The following SIDT1 variants were observed in gnomAD, a reference collection of about 807,000 sequenced individuals.
SIDT1 encodes the protein SID1 transmembrane family member 1, also known as SID1 transmembrane family, member 1.
A neutral mutation model predicts 107.5 loss-of-function variants in SIDT1; 101 were observed. That is an observed-to-expected ratio of 0.94 (90% confidence interval 0.80 to 1.11). The LOEUF (loss-of-function observed/expected upper bound fraction) is 1.11. Among genes scored for constraint, SIDT1 ranks in the 50% least tolerant of loss-of-function variants. The pLI is 0.00. For synonymous variants in SIDT1, 395 were observed against 398.2 expected (o/e 0.99, Z 0.10); for missense variants, 1,076 against 1,058.2 (o/e 1.02, Z -0.23).
At position 113,532,736 on chromosome 3, in the gene SIDT1, G is replaced by A; in HGVS notation, c.-286G>A. On this transcript the variant is annotated 5_prime_UTR_variant, in exon 1 of 25. Transcript: ENST00000264852. ...GGGGGGATTCTCGGCGATGAGAAACGGGGGACTTAGAAGCCGGAGGAAAAT... is the reference window on the plus strand; with the variant it reads ...GGGGGGATTCTCGGCGATGAGAAACAGGGGACTTAGAAGCCGGAGGAAAAT... The A allele has an allele frequency of 5.8e-6, 2 of 344,598 alleles. No homozygotes were observed. Among genetic ancestry groups the A allele is most frequent in the Non-Finnish European group, 1.0e-5 (2 of 191,860 alleles). The allele number at this position is 344,598 out of a possible 1,614,324, so 21.3% of individuals were successfully genotyped here.
At chr3:113,561,129 T>C (rs1386447174) in intron 1 of SIDT1, among the ~76,000 whole-genome samples, 1 of 152,218 alleles carries the variant, frequency 6.6e-6, no homozygotes, top group Non-Finnish European at 1.5e-5. Flanking sequence ...GTCAATACCC[T>C]GTCCTTCATT....
At chr3:113,613,114 T>A (rs1411835965) in intron 19 of SIDT1, among the ~76,000 whole-genome samples, 1 of 152,240 alleles carries the variant, frequency 6.6e-6, no homozygotes, top group East Asian at 1.9e-4. Flanking sequence ...TACCTCTGGT[T>A]GTGTCTTAAG....
At chr3:113,542,945 T>A (rs1281517871) in intron 1 of SIDT1, among the ~76,000 whole-genome samples, 1 of 151,278 alleles carries the variant, frequency 6.6e-6, no homozygotes, top group Non-Finnish European at 1.5e-5. Context: ...TGTGTTTGTT[T>A]GTTTGTTTGT....
chr3:113,547,811 G>A (rs1939767512), intron 1 of SIDT1, among the ~76,000 whole-genome samples: 1 of 152,016 alleles, frequency 6.6e-6, no homozygotes, highest in African/African-American at 2.4e-5. Context: ...ACTTTCTTTT[G>A]GACCTAGCCT....
the SIDT1 span, among the ~76,000 whole-genome samples, chr3:113,636,795 GGGCAAA>G: frequency 1.3e-5 from 2 of 152,258 alleles, no homozygotes; most frequent in Admixed American, 1.3e-4. Flanking sequence ...AGGAGGAAAC[GGGCAAA>G]GGAGCTGTTG....
At chr3:113,622,075 G>A (rs1946495050) in intron 21 of SIDT1, among the ~76,000 whole-genome samples, 1 of 152,134 alleles carries the variant, frequency 6.6e-6, no homozygotes, top group Non-Finnish European at 1.5e-5. Context: ...TTAGAAATTA[G>A]AAATATGAAT....
chr3:113,627,895 G>A lies in SIDT1; in HGVS notation c.*187G>A. On this transcript the variant is annotated 3_prime_UTR_variant, in exon 25 of 25. Coordinates refer to ENST00000264852, the MANE Select transcript of SIDT1 (RefSeq NM_017699.3). The stretch of plus-strand genomic sequence containing the variant: ...ACCTGCAAGAAAGGAGGCAGAAGGG[G>A]AGCCATGTTTTGAGGACAGACGCAA... 2 of 605,684 alleles carry A rather than the reference G, an allele frequency of 3.3e-6. No individual in the cohort carries two copies. The highest frequency in any genetic ancestry group is 2.8e-5 in the East Asian group (1 of 35,590). 37.5% of individuals were successfully genotyped at this position (605,684 alleles called of 1,614,324 possible).
rs1464733996 is a variant in SIDT1, at chr3:113,608,504, A to G, written c.1688A>G (p.His563Arg). The change falls in exon 17 of 25, where the codon CAT (histidine) becomes CGT (arginine). Residue 563 changes from histidine to arginine, a missense_variant. By Grantham distance (29) the His-to-Arg change is conservative. Transcript: ENST00000264852. ...GAAGGGGTGCTCAGTGCTTGCTACCATGTCTGCCCTAATTATTCCAACTTC... is the reference window on the plus strand; with the variant it reads ...GAAGGGGTGCTCAGTGCTTGCTACCGTGTCTGCCCTAATTATTCCAACTTC... ...MMEGVLSACY[H>R]VCPNYSNFQF... 3 of 1,613,386 alleles carry G rather than the reference A, an allele frequency of 1.9e-6. No homozygotes were observed. The highest frequency in any genetic ancestry group is 1.7e-6 in the Non-Finnish European group (2 of 1,179,434).
At chr3:113,623,192 T>A (rs1370265067) in intron 21 of SIDT1, among the ~76,000 whole-genome samples, 8 of 53,850 alleles carry the variant, frequency 1.5e-4, no homozygotes, top group Admixed American at 5.8e-4. Flanking sequence ...CCCCAACTCT[T>A]AAAAAAAAAA....
intron 23 of SIDT1, among the ~76,000 whole-genome samples, chr3:113,624,884 G>A (rs941731976): frequency 6.6e-6 from 1 of 152,104 alleles, no homozygotes; most frequent in East Asian, 1.9e-4. Context: ...CTTTTTTATG[G>A]CTGAATAGTA....
chr3:113,613,107 C>T (rs1945865581), intron 19 of SIDT1, among the ~76,000 whole-genome samples: 1 of 152,100 alleles, frequency 6.6e-6, no homozygotes, highest in Admixed American at 6.5e-5. Flanking sequence ...TTTTTTCTAC[C>T]TCTGGTTGTG....
At chr3:113,627,223 CA>C (rs1329705668) in intron 24 of SIDT1, among the ~76,000 whole-genome samples, 1 of 152,180 alleles carries the variant, frequency 6.6e-6, no homozygotes, top group African/African-American at 2.4e-5. Context: ...GCCACCCTAT[CA>C]AAATTTTTTA....
chr3:113,566,337 T>TG lies in SIDT1; in HGVS notation c.223-83_223-82insG, dbSNP rs113128476. ...ACTATGGTGTGTGTGTTTGTGTGTG[T>TG]TTGTGTGTGTGTGTGTGTGTGTGTG... On this transcript the variant is annotated intron_variant, in intron 1 of 24. Transcript: ENST00000264852. 3.8e-6 allele frequency: 5 copies of TG among 1,325,718 alleles called. No individual in the cohort carries two copies. The African/African-American group carries it at 7.7e-5, about 20-fold the overall frequency. The allele number at this position is 1,325,718 out of a possible 1,614,324, so 82.1% of individuals were successfully genotyped here.
intron 10 of SIDT1, among the ~76,000 whole-genome samples, chr3:113,600,582 GGTAGCAGCAGCA>G (rs1305382507): frequency 1.3e-5 from 2 of 152,210 alleles, no homozygotes; most frequent in Non-Finnish European, 2.9e-5. Flanking sequence ...AGGTAGTACT[GGTAGCAGCAGCA>G]GTAGCAGCTG....
At chr3:113,586,300 T>C (rs1469462291) in intron 9 of SIDT1, among the ~76,000 whole-genome samples, 2 of 152,148 alleles carry the variant, frequency 1.3e-5, no homozygotes, top group African/African-American at 4.8e-5. Flanking sequence ...TGAGTCCCTG[T>C]TGATAAAGGA....
intron 10 of SIDT1, among the ~76,000 whole-genome samples, chr3:113,596,152 G>T (rs1000753135): frequency 6.6e-6 from 1 of 152,208 alleles, no homozygotes; most frequent in African/African-American, 2.4e-5. Context: ...TAAAGGGGAA[G>T]AGGATCCCAC....
intron 1 of SIDT1, among the ~76,000 whole-genome samples, chr3:113,537,817 G>C (rs1016219686): frequency 1.3e-5 from 2 of 152,168 alleles, no homozygotes; most frequent in African/African-American, 4.8e-5. Context: ...TAGTCTCGCT[G>C]TGTCACCCAG....
At chr3:113,548,970 C>A (rs1939905787) in intron 1 of SIDT1, among the ~76,000 whole-genome samples, 1 of 152,120 alleles carries the variant, frequency 6.6e-6, no homozygotes, top group Non-Finnish European at 1.5e-5. Context: ...CCAGCCAGGA[C>A]CCTAAGAAGG....
chr3:113,596,865 G>C (rs146985247), intron 10 of SIDT1, among the ~76,000 whole-genome samples: 1 of 152,156 alleles, frequency 6.6e-6, no homozygotes, highest in Non-Finnish European at 1.5e-5. Flanking sequence ...AGGCCTAATC[G>C]GTTGTAGATT....
Sources: gnomAD v4.1 joint callset for allele counts (sites outside exome capture counted in the v4.1 genomes callset) on GRCh38, gnomAD v4.1.1 for gene constraint, MANE v1.5 for transcripts, NCBI Gene and HGNC (gene_info 2026-07-23, HGNC 2026-07-21) for gene names.